The following ZNF146 variants were observed in gnomAD, a reference collection of about 807,000 sequenced individuals.
The protein encoded by ZNF146 is zinc finger protein OZF.
A neutral mutation model predicts 22.2 loss-of-function variants in ZNF146; 9 were observed. The observed-to-expected ratio is 0.41, with a 90% CI of 0.24 to 0.71. ZNF146 has a LOEUF of 0.71. Ranked by LOEUF, ZNF146 falls within the 30% of genes least tolerant of loss-of-function variation. The pLI, the probability that ZNF146 is intolerant of heterozygous loss-of-function variation, is 0.34. For missense variants in ZNF146, 194 were observed against 344.8 expected (o/e 0.56, Z 3.46); for synonymous variants, 108 against 119.2 (o/e 0.91, Z 0.61).
Position 36,236,723 on chromosome 19 carries a change from A to T in ZNF146, c.283A>T (p.Thr95Ser). The T allele has an allele frequency of 6.2e-7, 1 of 1,614,198 alleles. No individual in the cohort carries two copies. Among genetic ancestry groups the T allele is most frequent in the Non-Finnish European group, 8.5e-7 (1 of 1,180,022 alleles). The change falls in exon 4 of 4, where the codon ACT (threonine) becomes TCT (serine). Residue 95 changes from threonine (T) to serine (S), a missense_variant. Physicochemically the swap from Thr to Ser is moderately conservative, Grantham distance 58. Around this residue, in one of 2 missense-constraint regions of ZNF146, gnomAD observed 147 missense variants for 300.1 expected, o/e 0.49. Transcript: ENST00000443387. The stretch of plus-strand genomic sequence containing the variant: ...CCTCCTTACGCACCAGAAAATTCAC[A>T]CTGGAGAAAAACCTTTTGAGTGTAA... ...ENLLTHQKIH[T>S]GEKPFECKDC...
rs1334765396 is a variant in ZNF146 at position 36,236,377 on chromosome 19, C to T, written c.-64C>T. The T allele has an allele frequency of 4.6e-6, 7 of 1,525,250 alleles. No individual in the cohort carries two copies. The East Asian group carries it at 1.6e-4, about 34-fold the overall frequency. 94.5% of individuals were successfully genotyped at this position (1,525,250 alleles called of 1,614,324 possible). On this transcript the variant is annotated 5_prime_UTR_variant, in exon 4 of 4. Coordinates refer to ENST00000443387, the MANE Select transcript of ZNF146 (RefSeq NM_007145.3). ...GAAATATCTTCAGCCAAAAGTAAAT[C>T]CTCACTCATCAAGAAATTTTTACTG...
intron 3 of ZNF146, among the ~76,000 whole-genome samples, chr19:36,233,766 C>G (rs1367562774): frequency 6.6e-6 from 1 of 152,188 alleles, no homozygotes; most frequent in Non-Finnish European, 1.5e-5. Context: ...GGCGGTTTTC[C>G]CCTATCTCAG....
In ZNF146 at chr19:36,236,945, A is replaced by T; in HGVS notation, c.505A>T (p.Lys169Ter). 3 of 1,614,120 alleles carry T rather than the reference A, an allele frequency of 1.9e-6. No individual in the cohort carries two copies. The highest frequency in any genetic ancestry group is 2.5e-6 in the Non-Finnish European group (3 of 1,180,012). ...SECGTAFGQKKYLIKHQNIHT... is the reference protein window; with the variant it reads ...SECGTAFGQK ...ATGTGGAACAGCCTTTGGCCAGAAG[A>T]AGTACCTCATAAAACATCAGAACAT... Residue 169 changes from lysine to a stop codon, truncating the protein, a stop_gained, in exon 4 of 4, where the codon AAG (lysine) becomes TAG (stop). Coordinates refer to ENST00000443387, the MANE Select transcript of ZNF146 (RefSeq NM_007145.3). LOFTEE classifies it high-confidence loss of function.
At chr19:36,235,321 A>C (rs769193928) in intron 3 of ZNF146, among the ~76,000 whole-genome samples, 1 of 152,066 alleles carries the variant, frequency 6.6e-6, no homozygotes, top group East Asian at 1.9e-4. Flanking sequence ...ATTATTTGTT[A>C]TACAACTTGC....
intron 1 of ZNF146, among the ~76,000 whole-genome samples, chr19:36,217,314 C>T (rs992524890): frequency 3.3e-5 from 5 of 151,650 alleles, no homozygotes; most frequent in Admixed American, 6.6e-5. Context: ...CGGCCCGCCT[C>T]GGCTTCCCAA....
chr19:36,221,800 T>G (rs1976851701), intron 2 of ZNF146, among the ~76,000 whole-genome samples: 1 of 152,032 alleles, frequency 6.6e-6, no homozygotes, highest in South Asian at 2.1e-4. Context: ...TCTGTCACTA[T>G]TATATATTTC....
intron 2 of ZNF146, among the ~76,000 whole-genome samples, chr19:36,221,053 A>G (rs989477378): frequency 1.3e-5 from 2 of 151,100 alleles, no homozygotes; most frequent in African/African-American, 4.9e-5. Context: ...GCGTTTCACC[A>G]TGTTGGCCAG....
chr19:36,230,269 C>G (rs1201104335), intron 3 of ZNF146, among the ~76,000 whole-genome samples: 1 of 152,138 alleles, frequency 6.6e-6, no homozygotes, highest in Non-Finnish European at 1.5e-5. Context: ...TATTCACATC[C>G]TACAAGTATT....
intron 3 of ZNF146, among the ~76,000 whole-genome samples, chr19:36,234,445 C>T (rs1473944403): frequency 2.0e-5 from 3 of 152,120 alleles, no homozygotes; most frequent in Non-Finnish European, 4.4e-5. Context: ...ATTAGACTAC[C>T]CAGTCTATGT....
chr19:36,237,347 A>G lies in ZNF146; in HGVS notation c.*28A>G, dbSNP rs1977681155. 2 of 1,559,146 alleles carry G rather than the reference A, an allele frequency of 1.3e-6. No individual in the cohort carries two copies. Among genetic ancestry groups the G allele is most frequent in the African/African-American group, 2.7e-5 (2 of 72,778 alleles). On this transcript the variant is annotated 3_prime_UTR_variant, in exon 4 of 4. Transcript: ENST00000443387. ...ACCCCATGAAAGCCTTGAAAGTGGG[A>G]AAGCTTTCATTAGAAATTTGCACCT...
chr19:36,220,925 C>G (rs2145405322), intron 2 of ZNF146, among the ~76,000 whole-genome samples: 1 of 150,410 alleles, frequency 6.6e-6, no homozygotes, highest in African/African-American at 2.5e-5. Flanking sequence ...GATCTTGGCT[C>G]ACTTGCAACA....
In ZNF146 at chr19:36,221,210, C is replaced by A. The variant is rs946440516; in HGVS notation, c.-855+3015C>A. On this transcript the variant is annotated intron_variant, in intron 2 of 3. Coordinates refer to ENST00000443387, the MANE Select transcript of ZNF146 (RefSeq NM_007145.3). ...ACTCTGTTCTAAAGTCATTTGAAAT[C>A]GTTTTTCTGAGGAATTATGTTACTA... 5.3e-5 allele frequency among the ~76,000 whole-genome samples: 8 copies of A among 150,082 alleles called. No homozygotes were observed. The East Asian group carries it at 1.4e-3, about 26-fold the overall frequency.
chr19:36,236,536 TGA>T lies in ZNF146; in HGVS notation c.98_99del (p.Glu33AlafsTer2). 6.2e-7 allele frequency: 1 copy of T among 1,614,200 alleles called. No individual in the cohort carries two copies. Among genetic ancestry groups the T allele is most frequent in the Non-Finnish European group, 8.5e-7 (1 of 1,180,018 alleles). ...KVFSHKSNLT[E>X]HEHFHTREKP... The stretch of plus-strand genomic sequence containing the variant: ...TCTTCAGCCACAAATCAAACCTCAC[TGA>T]GCATGAGCATTTTCACACGAGAGAG... On this transcript the variant is annotated frameshift_variant, in exon 4 of 4. Transcript: ENST00000443387. LOFTEE classifies it high-confidence loss of function.
chr19:36,237,266 G>T lies in ZNF146; in HGVS notation c.826G>T (p.Ala276Ser). The T allele has an allele frequency of 6.2e-7, 1 of 1,613,916 alleles. No homozygotes were observed. Among genetic ancestry groups the T allele is most frequent in the East Asian group, 2.2e-5 (1 of 44,870 alleles). The change falls in exon 4 of 4, where the codon GCT (alanine) becomes TCT (serine). Residue 276 changes from alanine to serine, a missense_variant. Physicochemically the swap from Ala to Ser is moderately conservative, Grantham distance 99. Coordinates refer to ENST00000443387, the MANE Select transcript of ZNF146 (RefSeq NM_007145.3). ...TTATCAGTGCAGTGAATGTGGGAAA[G>T]CTTTCAGCCAGAAGTCACACCACAT... ...KPYQCSECGK[A>S]FSQKSHHIRH...
chr19:36,222,561 C>T (rs1225844539), intron 2 of ZNF146, among the ~76,000 whole-genome samples: 2 of 152,100 alleles, frequency 1.3e-5, no homozygotes, highest in African/African-American at 2.4e-5. Flanking sequence ...TTTGGTATTT[C>T]GCTAGGGACA....
In ZNF146 at chr19:36,236,911, A is replaced by G. The variant is rs1342456459; in HGVS notation, c.471A>G (p.Lys157=). 2 of 1,614,018 alleles carry G rather than the reference A, an allele frequency of 1.2e-6. No homozygotes were observed. The highest frequency in any genetic ancestry group is 1.7e-6 in the Non-Finnish European group (2 of 1,180,020). The change falls in exon 4 of 4, where the codon AAA becomes AAG. Residue 157 remains lysine (K), a synonymous_variant. Coordinates refer to ENST00000443387, the MANE Select transcript of ZNF146 (RefSeq NM_007145.3). ...TCCATATTGGAGAGAAGCCTTTTAA[A>G]TGTAGTGAATGTGGAACAGCCTTTG... is the stretch of plus-strand genomic sequence containing the variant. ...EKIHIGEKPF[K]CSECGTAFGQ... is the part of the protein sequence containing the mutation.
chr19:36,216,723 T>A (rs1976623182), intron 1 of ZNF146, among the ~76,000 whole-genome samples: 1 of 152,106 alleles, frequency 6.6e-6, no homozygotes, highest in African/African-American at 2.4e-5. Context: ...CTAGGGGAAC[T>A]GATCCTAGAC....
At chr19:36,216,220 AACTT>A (rs1309122075) in intron 1 of ZNF146, among the ~76,000 whole-genome samples, 1 of 152,238 alleles carries the variant, frequency 6.6e-6, no homozygotes, top group Non-Finnish European at 1.5e-5. Flanking sequence ...TTGTGGAAGA[AACTT>A]AAAGGTTCAG....
At chr19:36,224,050 T>C (rs1252398763) in intron 2 of ZNF146, among the ~76,000 whole-genome samples, 6 of 152,172 alleles carry the variant, frequency 3.9e-5, no homozygotes. Flanking sequence ...TTTACCTTTT[T>C]CCAATTGGCT....
Sources: allele counts gnomAD v4.1 joint callset (sites outside exome capture counted in the v4.1 genomes callset), GRCh38; gene constraint gnomAD v4.1.1; regional missense constraint gnomAD v4.1.1; transcripts MANE v1.5; gene names NCBI Gene and HGNC (gene_info 2026-07-23, HGNC 2026-07-21).